Variants in HDAC9 observed in about 807,000 individuals in gnomAD.
HDAC9 encodes histone deacetylase 9.
In HDAC9, 41 loss-of-function variants were observed where a neutral mutation model predicts 139.4. The observed-to-expected ratio is 0.29, with a 90% CI of 0.23 to 0.38. The LOEUF (loss-of-function observed/expected upper bound fraction) is 0.38. Ranked by LOEUF, HDAC9 falls within the 10% of genes least tolerant of loss-of-function variation. The probability of loss-of-function intolerance (pLI) is 1.00; values close to 1 mark genes in which losing one functional copy is unlikely to be tolerated. For synonymous variants in HDAC9, 517 were observed against 476.2 expected (o/e 1.09, Z -1.12); for missense variants, 1,147 against 1,297.0 (o/e 0.88, Z 1.78).
chr7:18,217,434 T>C (rs1792396708), intron 2 of HDAC9, among the ~76,000 whole-genome samples: 1 of 152,230 alleles, frequency 6.6e-6, no homozygotes, highest in Non-Finnish European at 1.5e-5. Context: ...TTGCTTTCCT[T>C]AGATATAGTT....
intron 2 of HDAC9, among the ~76,000 whole-genome samples, chr7:18,505,446 C>T (rs922253957): frequency 2.0e-4 from 31 of 152,186 alleles, no homozygotes; most frequent in African/African-American, 6.3e-4. Context: ...AATTCTCTAG[C>T]CACAATAAAG....
intron 2 of HDAC9, among the ~76,000 whole-genome samples, chr7:18,196,034 C>T (rs1483381167): frequency 1.3e-5 from 2 of 152,124 alleles, no homozygotes; most frequent in Non-Finnish European, 2.9e-5. Flanking sequence ...GTGTCTACCA[C>T]TGTTTTAGCA....
At chr7:18,913,059 CT>C (rs1461881061) in intron 22 of HDAC9, among the ~76,000 whole-genome samples, 2 of 152,048 alleles carry the variant, frequency 1.3e-5, no homozygotes, top group African/African-American at 4.8e-5. Context: ...TGCTTAAAAA[CT>C]TTCTATTTCT....
intron 1 of HDAC9, among the ~76,000 whole-genome samples, chr7:18,102,665 C>T (rs1357255179): frequency 6.6e-6 from 1 of 152,188 alleles, no homozygotes; most frequent in African/African-American, 2.4e-5. Flanking sequence ...AGACATAAAG[C>T]ACCTAAGTTT....
At chr7:18,488,239 G>T (rs960015986) in intron 1 of HDAC9, among the ~76,000 whole-genome samples, 3 of 151,986 alleles carry the variant, frequency 2.0e-5, no homozygotes, top group African/African-American at 7.2e-5. Flanking sequence ...GGGTTAGTCA[G>T]TGTTAACTTG....
intron 2 of HDAC9, among the ~76,000 whole-genome samples, chr7:18,192,086 A>T (rs1278287986): frequency 6.6e-6 from 1 of 152,172 alleles, no homozygotes; most frequent in Admixed American, 6.5e-5. Context: ...ATTCCTGTCC[A>T]TTCCTGGAAA....
intron 1 of HDAC9, among the ~76,000 whole-genome samples, chr7:18,341,117 T>C (rs1781972820): frequency 6.6e-6 from 1 of 151,546 alleles, no homozygotes; most frequent in African/African-American, 2.4e-5. Flanking sequence ...AAAGTGTGTG[T>C]TTTCCCCCCT....
chr7:18,839,868 C>A (rs1354978398), intron 21 of HDAC9, among the ~76,000 whole-genome samples: 1 of 151,976 alleles, frequency 6.6e-6, no homozygotes, highest in Non-Finnish European at 1.5e-5. Flanking sequence ...TTTAAGAGTA[C>A]TGCAAATGTT....
chr7:18,104,096 G>C (rs550952849), intron 1 of HDAC9, among the ~76,000 whole-genome samples: 50 of 152,278 alleles, frequency 3.3e-4, no homozygotes, highest in Middle Eastern at 3.4e-3. Flanking sequence ...AGTACCCAGA[G>C]AAAACCCGTG....
chr7:18,669,942 T>C (rs1795565095), intron 12 of HDAC9, among the ~76,000 whole-genome samples: 2 of 151,932 alleles, frequency 1.3e-5, no homozygotes, highest in Non-Finnish European at 2.9e-5. Flanking sequence ...TAGAAATTGT[T>C]ATATATTGTT....
chr7:18,288,087 T>TA (rs1285176413), upstream of HDAC9, among the ~76,000 whole-genome samples: 1 of 152,370 alleles, frequency 6.6e-6, no homozygotes, highest in East Asian at 1.9e-4. Flanking sequence ...TTGGAAGGTT[T>TA]ACTGTGCATT....
At chr7:18,320,687 A>G (rs1220944729) in intron 1 of HDAC9, among the ~76,000 whole-genome samples, 1 of 152,136 alleles carries the variant, frequency 6.6e-6, no homozygotes, top group Non-Finnish European at 1.5e-5. Context: ...AGATATAATT[A>G]TGTCCTTTAG....
At chr7:18,747,484 A>G (rs1031349513) in intron 13 of HDAC9, among the ~76,000 whole-genome samples, 7 of 152,204 alleles carry the variant, frequency 4.6e-5, no homozygotes, top group Admixed American at 1.3e-4. Context: ...CGTATGAACA[A>G]TGGCAGATCT....
intron 13 of HDAC9, among the ~76,000 whole-genome samples, chr7:18,733,146 C>T (rs1562894639): frequency 7.0e-6 from 1 of 142,684 alleles, no homozygotes; most frequent in South Asian, 2.2e-4. Context: ...CACATGTATA[C>T]ACATATATAC....
chr7:18,458,855 C>A (rs1267406099), intron 1 of HDAC9: 1 of 1,534,770 alleles, frequency 6.5e-7, no homozygotes. Context: ...TCATGTGGAA[C>A]CTTGTACCAT....
intron 12 of HDAC9, among the ~76,000 whole-genome samples, chr7:18,706,961 G>T (rs1042448436): frequency 6.6e-6 from 1 of 152,194 alleles, no homozygotes; most frequent in Non-Finnish European, 1.5e-5. Context: ...CCCAGACGAG[G>T]TTATGGAGGC....
intron 13 of HDAC9, among the ~76,000 whole-genome samples, chr7:18,728,802 TAATG>T (rs928608620): frequency 2.6e-4 from 40 of 152,344 alleles, no homozygotes; most frequent in African/African-American, 9.1e-4. Context: ...GTTTAAAAAT[TAATG>T]AATGAAATAG....
chr7:18,301,453 A>G (rs926307442), intron 1 of HDAC9, among the ~76,000 whole-genome samples: 6 of 152,110 alleles, frequency 3.9e-5, no homozygotes, highest in African/African-American at 1.2e-4. Context: ...TTTATTGCAT[A>G]AAGTGATTTA....
At chr7:18,688,290 TTAGTC>T (rs1193432171) in intron 12 of HDAC9, among the ~76,000 whole-genome samples, 3 of 151,826 alleles carry the variant, frequency 2.0e-5, no homozygotes, top group South Asian at 2.1e-4. Flanking sequence ...CTCAGTCTGT[TTAGTC>T]TAGCCTTAGT....
Sources: gnomAD v4.1 joint callset for allele counts (sites outside exome capture counted in the v4.1 genomes callset) on GRCh38, gnomAD v4.1.1 for gene constraint, MANE v1.5 for transcripts, NCBI Gene and HGNC (gene_info 2026-07-23, HGNC 2026-07-21) for gene names.